Variants in ZNF324B observed in about 807,000 individuals in gnomAD.
ZNF324B encodes the protein zinc finger protein 324B.
In ZNF324B, 7 loss-of-function variants were observed where a neutral mutation model predicts 10.6. The observed-to-expected ratio is 0.66, with a 90% CI of 0.38 to 1.24. The LOEUF (loss-of-function observed/expected upper bound fraction) is 1.24. ZNF324B is among the 50% of genes most tolerant of loss of function. The pLI is 0.02. For missense variants in ZNF324B, 640 were observed against 764.7 expected, an observed-to-expected ratio of 0.84 and a Z score of 1.92; for synonymous variants, 316 against 321.0, an observed-to-expected ratio of 0.98 and a Z score of 0.17.
At chr19:58,439,236 A>C in the ZNF324B span, among the ~76,000 whole-genome samples, 2 of 152,028 alleles carry the variant, frequency 1.3e-5, no homozygotes, top group East Asian at 3.9e-4. Context: ...TCAGCTCCTC[A>C]CTGGCCTTCC....
At chr19:58,452,922 C>A (rs2052874958) in intron 1 of ZNF324B, 1 of 151,886 alleles carries the variant, frequency 6.6e-6, no homozygotes, top group African/African-American at 2.4e-5. Flanking sequence ...CACAGTGAAA[C>A]CCGGTCTCTA....
In ZNF324B at chr19:58,457,004, G is replaced by A. The variant is rs573557470; in HGVS notation, c.*425G>A. 8.6e-5 allele frequency: 17 copies of A among 197,588 alleles called. No homozygotes were observed. The highest frequency in any genetic ancestry group is 2.2e-3 in the Middle Eastern group (1 of 450). 12.2% of individuals were successfully genotyped at this position (197,588 alleles called of 1,614,324 possible). A position where few individuals can be genotyped will look rare whatever the true frequency, so the allele number is the denominator to read the frequency against. Reference sequence around the variant, plus strand: ...TCTGCACACAAACTGGCCGCTAGACGGACGCTGAGGACATTTTCCCCCTGA... The same window carrying A: ...TCTGCACACAAACTGGCCGCTAGACAGACGCTGAGGACATTTTCCCCCTGA... On this transcript the variant is annotated 3_prime_UTR_variant, in exon 4 of 4. Transcript: ENST00000336614.
chr19:58,445,400 C>T, the ZNF324B span: 1 of 518,652 alleles, frequency 1.9e-6, no homozygotes, highest in South Asian at 1.4e-5. Context: ...TGAGTGCAGC[C>T]AGCATGGGAG....
chr19:58,447,165 G>A (rs950051287), upstream of ZNF324B, among the ~76,000 whole-genome samples: 3 of 151,672 alleles, frequency 2.0e-5, no homozygotes, highest in South Asian at 2.1e-4. Flanking sequence ...TACTAGAGAC[G>A]GAGTTTCACC....
chr19:58,444,100 G>C, the ZNF324B span: 1 of 152,238 alleles, frequency 6.6e-6, no homozygotes, highest in Non-Finnish European at 1.5e-5. Flanking sequence ...TGGCTCACCT[G>C]GTACCTGAGT....
At chr19:58,454,107 C>G in intron 2 of ZNF324B, 121 bp from the exon 3 acceptor site, 1 of 737,860 alleles carries the variant, frequency 1.4e-6, no homozygotes, top group Non-Finnish European at 2.3e-6. Context: ...CCTGTGCTAT[C>G]TTTAGATTCT....
the ZNF324B span, among the ~76,000 whole-genome samples, chr19:58,423,851 T>C: frequency 6.6e-6 from 1 of 151,974 alleles, no homozygotes; most frequent in Non-Finnish European, 1.5e-5. Context: ...AAACTAGATA[T>C]CCATATGAAT....
At chr19:58,419,478 A>G in the ZNF324B span, among the ~76,000 whole-genome samples, 4 of 152,236 alleles carry the variant, frequency 2.6e-5, no homozygotes, top group Non-Finnish European at 5.9e-5. Context: ...AGAGGCATCC[A>G]CAAATGTTCC....
the ZNF324B span, chr19:58,439,872 C>T: frequency 2.6e-6 from 4 of 1,521,212 alleles, no homozygotes; most frequent in Admixed American, 4.3e-5. Context: ...CTCACACTTC[C>T]GCTGGGTGAC....
At chr19:58,447,274 G>A (rs1279229932), upstream of ZNF324B, among the ~76,000 whole-genome samples, 1 of 152,204 alleles carries the variant, frequency 6.6e-6, no homozygotes, top group African/African-American at 2.4e-5. Flanking sequence ...CACCATGCCT[G>A]GCCGACAATG....
chr19:58,450,192 C>T (rs1224018159), upstream of ZNF324B, among the ~76,000 whole-genome samples: 2 of 152,136 alleles, frequency 1.3e-5, no homozygotes, highest in African/African-American at 4.8e-5. Flanking sequence ...ACGTGCCTTT[C>T]ACCTTCTGTC....
chr19:58,437,814 A>G, the ZNF324B span: 2 of 985,130 alleles, frequency 2.0e-6, no homozygotes, highest in South Asian at 4.7e-5. Flanking sequence ...TAGCCCCTCA[A>G]GTCAATGCCT....
At chr19:58,439,651 C>A in the ZNF324B span, 1 of 1,235,376 alleles carries the variant, frequency 8.1e-7, no homozygotes, top group Non-Finnish European at 1.1e-6. Flanking sequence ...CGTGTGAGGA[C>A]AGGACACGAT....
chr19:58,423,588 T>G, the ZNF324B span, among the ~76,000 whole-genome samples: 3 of 152,198 alleles, frequency 2.0e-5, no homozygotes, highest in East Asian at 5.8e-4. Flanking sequence ...CTTTGTAGAA[T>G]CAAAAAAGAG....
the ZNF324B span, among the ~76,000 whole-genome samples, chr19:58,420,185 G>A: frequency 6.6e-6 from 1 of 152,182 alleles, no homozygotes; most frequent in East Asian, 1.9e-4. Context: ...TTGGGAGGCC[G>A]AGGCAGGTGG....
At chr19:58,451,845 A>G (rs1418908039) in intron 1 of ZNF324B, 141 bp downstream of exon 1, 1 of 273,416 alleles carries the variant, frequency 3.7e-6, no homozygotes, top group East Asian at 1.8e-4. Flanking sequence ...CGCATTGGGC[A>G]TTCTGCGCCC....
At chr19:58,418,693 T>G in the ZNF324B span, 6 of 152,188 alleles carry the variant, frequency 3.9e-5, no homozygotes, top group African/African-American at 1.4e-4. Flanking sequence ...CATTGCAGAC[T>G]TGAACTACTG....
At chr19:58,447,686 T>G (rs929401391), upstream of ZNF324B, among the ~76,000 whole-genome samples, 20 of 152,140 alleles carry the variant, frequency 1.3e-4, no homozygotes, top group African/African-American at 4.8e-4. Flanking sequence ...CTGAGAAACA[T>G]GGTGAAACCT....
At chr19:58,424,503 A>T in the ZNF324B span, among the ~76,000 whole-genome samples, 1 of 152,246 alleles carries the variant, frequency 6.6e-6, no homozygotes, top group East Asian at 1.9e-4. Flanking sequence ...CTAGTCATTC[A>T]GGAAATGCAA....
Sources: allele counts gnomAD v4.1 joint callset (sites outside exome capture counted in the v4.1 genomes callset), GRCh38; gene constraint gnomAD v4.1.1; transcripts MANE v1.5; gene names NCBI Gene and HGNC (gene_info 2026-07-23, HGNC 2026-07-21).